Variants in CCR1 observed in about 807,000 individuals in gnomAD.
The protein encoded by CCR1 is C-C motif chemokine receptor 1.
Under a neutral mutation model 0.3 loss-of-function variants are expected in CCR1, and 1 was observed. The ratio of observed to expected loss-of-function variants is 3.70; its 90% CI spans 1.31 to 17.54. CCR1 has a LOEUF of 17.54. Ranked by LOEUF, CCR1 falls within the 30% of genes most tolerant of loss-of-function variation. The pLI, the probability that CCR1 is intolerant of heterozygous loss-of-function variation, is 0.11. For synonymous variants in CCR1, 207 were observed against 182.5 expected, an observed-to-expected ratio of 1.13 and a Z score of -1.08; for missense variants, 349 against 435.4, an observed-to-expected ratio of 0.80 and a Z score of 1.77.
chr3:46,205,626 G>A (rs1464886476), intron 1 of CCR1, among the ~76,000 whole-genome samples: 2 of 152,108 alleles, frequency 1.3e-5, no homozygotes, highest in African/African-American at 2.4e-5. Flanking sequence ...TGTAACCTAC[G>A]AGCTTTGTGA....
Position 46,203,153 on chromosome 3 carries a change from G to T in CCR1, c.*93C>A. ...TGGCTGTGACTCCATGCTGTGCCAA[G>T]AGTCAGAACCTGGCTGGGAGAGCCA... is the stretch of plus-strand genomic sequence containing the variant. On this transcript the variant is annotated 3_prime_UTR_variant, in exon 2 of 2. Transcript: ENST00000296140. The surrounding 1 kb of genome is among the most constrained non-coding windows in gnomAD (Gnocchi z 4.5). 1 of 882,200 alleles carries T rather than the reference G, an allele frequency of 1.1e-6. No individual in the cohort carries two copies. Among genetic ancestry groups the T allele is most frequent in the South Asian group, 1.7e-5 (1 of 59,806 alleles). The allele number at this position is 882,200 out of a possible 1,614,324, so 54.6% of individuals were successfully genotyped here.
intron 1 of CCR1, among the ~76,000 whole-genome samples, chr3:46,205,895 C>A (rs1280726750): frequency 6.6e-6 from 1 of 152,152 alleles, no homozygotes; most frequent in African/African-American, 2.4e-5. Context: ...ACACCACCAG[C>A]ACATCCCAGG....
In CCR1 at chr3:46,203,026, C is replaced by T. The variant is rs753348884; in HGVS notation, c.*220G>A. 2.1e-5 allele frequency: 11 copies of T among 517,534 alleles called. No individual in the cohort carries two copies. The highest frequency in any genetic ancestry group is 3.8e-5 in the African/African-American group (2 of 52,594). 32.1% of individuals were successfully genotyped at this position (517,534 alleles called of 1,614,324 possible). On this transcript the variant is annotated 3_prime_UTR_variant, in exon 2 of 2. Transcript: ENST00000296140. The surrounding 1 kb of genome is among the most constrained non-coding windows in gnomAD (Gnocchi z 4.5). Reference sequence around the variant, plus strand: ...AGTCTCTGGAATATTTGGTTTTGCTCATTCATCTTCTTTCTACCAGGGGAG... The same window carrying T: ...AGTCTCTGGAATATTTGGTTTTGCTTATTCATCTTCTTTCTACCAGGGGAG...
chr3:46,206,568 C>T (rs996861727), intron 1 of CCR1, among the ~76,000 whole-genome samples: 1 of 152,212 alleles, frequency 6.6e-6, no homozygotes, highest in African/African-American at 2.4e-5. Flanking sequence ...CAAGCCTGAT[C>T]CCATGAGTCC....
Position 46,203,518 on chromosome 3 carries a change from C to T in CCR1, c.796G>A (p.Asp266Asn), listed in dbSNP as rs761283616. Reference sequence around the variant, plus strand: ...TCACACTCATGGGTGAACAGGAAGTCTTGGAAAACAGAAATAAGTATAGTC... The same window carrying T: ...TCACACTCATGGGTGAACAGGAAGTTTTGGAAAACAGAAATAAGTATAGTC... ...NLTILISVFQ[D>N]FLFTHECEQS... is the part of the protein sequence containing the mutation. The change falls in exon 2 of 2, where the codon GAC becomes AAC. Residue 266 changes from aspartate (D) to asparagine (N), a missense_variant. By Grantham distance (23) the Asp-to-Asn change is conservative (BLOSUM62 1). Coordinates refer to ENST00000296140, the MANE Select transcript of CCR1 (RefSeq NM_001295.3). The surrounding 1 kb of genome is among the most constrained non-coding windows in gnomAD (Gnocchi z 4.5). 2 of 1,614,134 alleles carry T rather than the reference C, an allele frequency of 1.2e-6. No homozygotes were observed. The highest frequency in any genetic ancestry group is 2.2e-5 in the South Asian group (2 of 91,076).
rs1699601594 is a variant in CCR1 at position 46,202,156 on chromosome 3, C to G, written c.*1090G>C. ...TCTCACCCCACCCTCCTAGTAGACA[C>G]TTTCCTCCCAACCCCCTATCAGCTA... is the stretch of plus-strand genomic sequence containing the variant. On this transcript the variant is annotated 3_prime_UTR_variant, in exon 2 of 2. Coordinates refer to ENST00000296140, the MANE Select transcript of CCR1 (RefSeq NM_001295.3). 6.6e-6 allele frequency: 1 copy of G among 152,134 alleles called. No homozygotes were observed. Among genetic ancestry groups the G allele is most frequent in the South Asian group, 2.1e-4 (1 of 4,826 alleles). The allele number at this position is 152,134 out of a possible 1,614,324, so 9.4% of individuals were successfully genotyped here.
rs750092631 is a variant in CCR1, at chr3:46,203,841, CA to C, written c.472del (p.Trp158GlyfsTer44). The stretch of plus-strand genomic sequence containing the variant: ...CATGGAAGCCAAGATGGCCAGGGCC[CA>C]AATGATGATGCTGGTGATGACACCA... ...TFGVITSIII[W>X]ALAILASMPG... On this transcript the variant is annotated frameshift_variant, in exon 2 of 2. Transcript: ENST00000296140. LOFTEE classifies it low-confidence loss of function (END_TRUNC). This position sits in a 1 kb window ranked among gnomAD's most constrained non-coding sequence, Gnocchi z 4.5. The C allele has an allele frequency of 6.2e-7, 1 of 1,614,162 alleles. No homozygotes were observed. Among genetic ancestry groups the C allele is most frequent in the South Asian group, 1.1e-5 (1 of 91,084 alleles).
chr3:46,207,383 C>T (rs1407422688), intron 1 of CCR1, among the ~76,000 whole-genome samples: 2 of 151,966 alleles, frequency 1.3e-5, no homozygotes, highest in Non-Finnish European at 2.9e-5. Flanking sequence ...AAAATCCTGA[C>T]CTGTGTCTTT....
chr3:46,205,030 G>A lies in CCR1; in HGVS notation c.-11-706C>T, dbSNP rs955868318. 2.6e-4 allele frequency among the ~76,000 whole-genome samples: 40 copies of A among 152,198 alleles called. 1 individual carries two copies. The highest frequency in any genetic ancestry group is 8.2e-4 in the African/African-American group (34 of 41,440). On this transcript the variant is annotated intron_variant, in intron 1 of 1. Transcript: ENST00000296140. ...CCGAGAGTGACCTAGTACCCTTGGGGCACTTGGAAATGTGTGGGCATTTGT... is the reference window on the plus strand; with the variant it reads ...CCGAGAGTGACCTAGTACCCTTGGGACACTTGGAAATGTGTGGGCATTTGT...
chr3:46,203,003 T>C lies in CCR1; in HGVS notation c.*243A>G. ...CCTTCTCTGGTACACTTAGTCCCAG[T>C]CTCTGGAATATTTGGTTTTGCTCAT... On this transcript the variant is annotated 3_prime_UTR_variant, in exon 2 of 2. Transcript: ENST00000296140. The surrounding 1 kb of genome is among the most constrained non-coding windows in gnomAD (Gnocchi z 4.5). 2.1e-6 allele frequency: 1 copy of C among 483,710 alleles called. No homozygotes were observed. Among genetic ancestry groups the C allele is most frequent in the Non-Finnish European group, 3.7e-6 (1 of 270,256 alleles). 30.0% of individuals were successfully genotyped at this position (483,710 alleles called of 1,614,324 possible).
Position 46,202,544 on chromosome 3 carries a change from TA to T in CCR1, c.*701del, listed in dbSNP as rs1322821909. ...CTGAATTGTTTGATTTTAGTGGATA[TA>T]AAAATTCTTCCTAAGGGCTTTCTTA... On this transcript the variant is annotated 3_prime_UTR_variant, in exon 2 of 2. Transcript: ENST00000296140. 6.6e-6 allele frequency: 1 copy of T among 152,184 alleles called. No homozygotes were observed. The highest frequency in any genetic ancestry group is 1.5e-5 in the Non-Finnish European group (1 of 68,036). The allele number at this position is 152,184 out of a possible 1,614,324, so 9.4% of individuals were successfully genotyped here.
rs1699603398 is a variant in CCR1 at position 46,202,253 on chromosome 3, T to C, written c.*993A>G. The C allele has an allele frequency of 6.6e-6, 1 of 151,788 alleles. No individual in the cohort carries two copies. The highest frequency in any genetic ancestry group is 2.1e-4 in the South Asian group (1 of 4,812). 9.4% of individuals were successfully genotyped at this position (151,788 alleles called of 1,614,324 possible). ...TTTTTTTTTGCTGACAAGTCCAAGA[T>C]GGCAGTCGGAACTCTGACCCATAAA... is the stretch of plus-strand genomic sequence containing the variant. On this transcript the variant is annotated 3_prime_UTR_variant, in exon 2 of 2. Coordinates refer to ENST00000296140, the MANE Select transcript of CCR1 (RefSeq NM_001295.3).
At position 46,203,205 on chromosome 3, in the gene CCR1, G is replaced by T. The variant is rs1248240983; in HGVS notation, c.*41C>A. 1.3e-6 allele frequency: 2 copies of T among 1,483,000 alleles called. No homozygotes were observed. The highest frequency in any genetic ancestry group is 3.5e-5 in the Admixed American group (2 of 56,476). The allele number at this position is 1,483,000 out of a possible 1,614,324, so 91.9% of individuals were successfully genotyped here. On this transcript the variant is annotated 3_prime_UTR_variant, in exon 2 of 2. Transcript: ENST00000296140. The surrounding 1 kb of genome is among the most constrained non-coding windows in gnomAD (Gnocchi z 4.5). ...GCTGCTGGCTCAGTGTGCCTGGCAG[G>T]TCACGCCTGCTTATTTTGGGTTGGC...
chr3:46,207,511 A>T (rs1309875088), intron 1 of CCR1, among the ~76,000 whole-genome samples: 1 of 152,176 alleles, frequency 6.6e-6, no homozygotes, highest in African/African-American at 2.4e-5. Context: ...CCTTGGTTCT[A>T]GTCTTCTTAA....
chr3:46,205,523 T>C (rs190949264), intron 1 of CCR1, among the ~76,000 whole-genome samples: 1 of 152,334 alleles, frequency 6.6e-6, no homozygotes, highest in East Asian at 1.9e-4. Context: ...AGGTTGCCTT[T>C]GTAGGACTTC....
rs910647270 is a variant in CCR1 at position 46,203,023 on chromosome 3, G to T, written c.*223C>A. The T allele has an allele frequency of 3.9e-6, 2 of 514,320 alleles. No homozygotes were observed. Among genetic ancestry groups the T allele is most frequent in the Non-Finnish European group, 6.9e-6 (2 of 289,332 alleles). The allele number at this position is 514,320 out of a possible 1,614,324, so 31.9% of individuals were successfully genotyped here. ...CCCAGTCTCTGGAATATTTGGTTTT[G>T]CTCATTCATCTTCTTTCTACCAGGG... On this transcript the variant is annotated 3_prime_UTR_variant, in exon 2 of 2. Coordinates refer to ENST00000296140, the MANE Select transcript of CCR1 (RefSeq NM_001295.3). The surrounding 1 kb of genome is among the most constrained non-coding windows in gnomAD (Gnocchi z 4.5).
chr3:46,204,701 G>A (rs987602102), intron 1 of CCR1, among the ~76,000 whole-genome samples: 9 of 152,308 alleles, frequency 5.9e-5, no homozygotes, highest in African/African-American at 2.2e-4. Flanking sequence ...ACTGGACTTA[G>A]GGTTAAAGAG....
At chr3:46,205,291 G>C (rs1018605808) in intron 1 of CCR1, among the ~76,000 whole-genome samples, 5 of 152,150 alleles carry the variant, frequency 3.3e-5, no homozygotes, top group South Asian at 2.1e-4. Flanking sequence ...TCACTTTGCA[G>C]ACCTCCTGAA....
At chr3:46,207,997 A>C (rs1699662327) in intron 1 of CCR1, among the ~76,000 whole-genome samples, 1 of 152,168 alleles carries the variant, frequency 6.6e-6, no homozygotes, top group Admixed American at 6.6e-5. Flanking sequence ...CTTAGTACTG[A>C]CTGACTTTCT....
Sources: allele counts gnomAD v4.1 joint callset (sites outside exome capture counted in the v4.1 genomes callset), GRCh38; gene constraint gnomAD v4.1.1; non-coding constraint Gnocchi (gnomAD v3.1); transcripts MANE v1.5; gene names NCBI Gene and HGNC (gene_info 2026-07-23, HGNC 2026-07-21).